The following PDXDC1 variants were observed in gnomAD, a reference collection of about 807,000 sequenced individuals.
PDXDC1 encodes the protein pyridoxal-dependent decarboxylase domain-containing protein 1.
A neutral mutation model predicts 100.1 loss-of-function variants in PDXDC1; 42 were observed. The observed-to-expected ratio is 0.42, with a 90% CI of 0.33 to 0.54. The LOEUF (loss-of-function observed/expected upper bound fraction) is 0.54. Ranked by LOEUF, PDXDC1 falls within the 20% of genes least tolerant of loss-of-function variation. PDXDC1 has a pLI of 0.10. For missense variants in PDXDC1, 636 were observed against 979.2 expected, an observed-to-expected ratio of 0.65 and a Z score of 4.68; for synonymous variants, 260 against 371.7, an observed-to-expected ratio of 0.70 and a Z score of 3.46.
intron 16 of PDXDC1, chr16:15,061,443 C>A (rs2044706750): frequency 5.9e-6 from 2 of 337,282 alleles, no homozygotes; most frequent in Non-Finnish European, 1.1e-5. Flanking sequence ...GTAATTGTGT[C>A]AAAAAGCTGT....
intron 16 of PDXDC1, chr16:15,106,466 A>G: frequency 1.6e-6 from 2 of 1,253,032 alleles, no homozygotes; most frequent in Non-Finnish European, 2.2e-6. Context: ...CTGTAAGAGT[A>G]CAGTCTGAGC....
intron 16 of PDXDC1, chr16:15,076,729 G>C (rs2045472401): frequency 2.0e-6 from 2 of 979,550 alleles, no homozygotes; most frequent in African/African-American, 3.2e-5. Flanking sequence ...AAATTCATCT[G>C]ATATACGCAT....
rs183292506 is a variant in PDXDC1, at chr16:15,066,506, G to A, written c.1399+36450G>A. 1.7e-3 allele frequency among the ~76,000 whole-genome samples: 264 copies of A among 151,922 alleles called. 1 individual carries two copies. The highest frequency in any genetic ancestry group is 6.2e-3 in the African/African-American group (256 of 41,460). On this transcript the variant is annotated intron_variant, in intron 16 of 16. Coordinates refer to the PDXDC1 transcript ENST00000535621. Reference sequence around the variant, plus strand: ...AAATTAGCTGGGCGTGGTGGCAGGCGCCTGTAGTCCCAGCTATTCGGGAGG... The same window carrying A: ...AAATTAGCTGGGCGTGGTGGCAGGCACCTGTAGTCCCAGCTATTCGGGAGG...
At chr16:15,144,885 C>T in the PDXDC1 span, among the ~76,000 whole-genome samples, 1 of 152,168 alleles carries the variant, frequency 6.6e-6, no homozygotes, top group Non-Finnish European at 1.5e-5. Flanking sequence ...ATACGTATGC[C>T]ACCTGCCGCT....
chr16:15,087,067 C>T (rs1246160350), intron 16 of PDXDC1, among the ~76,000 whole-genome samples: 1 of 152,000 alleles, frequency 6.6e-6, no homozygotes, highest in Non-Finnish European at 1.5e-5. Context: ...ATTTGAAACG[C>T]AATGTATAAA....
chr16:15,009,977 T>G (rs1182709005), intron 8 of PDXDC1, among the ~76,000 whole-genome samples: 1 of 152,302 alleles, frequency 6.6e-6, no homozygotes, highest in Non-Finnish European at 1.5e-5. Context: ...GTGTGTATAC[T>G]TTTTCATTTA....
chr16:15,077,179 A>G (rs1020523849), intron 16 of PDXDC1, among the ~76,000 whole-genome samples: 5 of 151,662 alleles, frequency 3.3e-5, no homozygotes, highest in South Asian at 2.1e-4. Context: ...GGGTTACTCC[A>G]TGTTAGTCAG....
chr16:15,012,712 TGTG>T (rs1332511355), intron 8 of PDXDC1, among the ~76,000 whole-genome samples: 1 of 152,234 alleles, frequency 6.6e-6, no homozygotes, highest in African/African-American at 2.4e-5. Flanking sequence ...ATTAGCCAGG[TGTG>T]GTGGTGTGTA....
At chr16:15,039,352 G>T (rs973895992), downstream of PDXDC1, among the ~76,000 whole-genome samples, 1 of 152,168 alleles carries the variant, frequency 6.6e-6, no homozygotes, top group South Asian at 2.1e-4. Context: ...TTTCATAAAT[G>T]AGAAGATTTC....
chr16:14,998,452 T>C, intron 3 of PDXDC1, 47 bp downstream of exon 3: 1 of 1,589,362 alleles, frequency 6.3e-7, no homozygotes, highest in Non-Finnish European at 8.6e-7. Context: ...TGTAAATTTT[T>C]GTTTGTTTCT....
intron 16 of PDXDC1, chr16:15,125,837 G>A (rs556869342): frequency 8.2e-5 from 75 of 912,356 alleles, no homozygotes; most frequent in South Asian, 1.1e-4. Context: ...GTCAGCGGGC[G>A]GCAGCTCAGA....
chr16:15,133,734 G>C, intron 16 of PDXDC1: 13 of 1,599,672 alleles, frequency 8.1e-6, no homozygotes, highest in Non-Finnish European at 1.1e-5. Flanking sequence ...CATCACGGGA[G>C]GGCTCCGTGA....
intron 16 of PDXDC1, chr16:15,059,909 A>C (rs2044650640): frequency 5.9e-6 from 1 of 170,664 alleles, no homozygotes; most frequent in African/African-American, 2.4e-5. Context: ...AATTCCATCA[A>C]GCTCCCCGCC....
chr16:15,145,419 C>T, the PDXDC1 span, among the ~76,000 whole-genome samples: 7 of 152,266 alleles, frequency 4.6e-5, no homozygotes, highest in Non-Finnish European at 8.8e-5. Flanking sequence ...CATGGGCTTG[C>T]CCCAGCGCTG....
intron 16 of PDXDC1, among the ~76,000 whole-genome samples, chr16:15,050,848 G>A (rs909615876): frequency 6.6e-6 from 1 of 152,120 alleles, no homozygotes; most frequent in Admixed American, 6.5e-5. Flanking sequence ...TGGAAGCAAG[G>A]TATCAATGAA....
intron 16 of PDXDC1, among the ~76,000 whole-genome samples, chr16:15,098,881 A>G (rs1183348742): frequency 6.6e-6 from 1 of 152,068 alleles, no homozygotes; most frequent in Non-Finnish European, 1.5e-5. Flanking sequence ...CTCAAAAAAA[A>G]AGAGCAACTT....
rs1000091517 is a variant in PDXDC1, at chr16:15,135,686, G to T, written c.1400-3193G>T. ...CACACAGGCCCACTGGAAACTGAGCGGCGTCTGGTCGCCATCCTCCAGGTT... is the reference window on the plus strand; with the variant it reads ...CACACAGGCCCACTGGAAACTGAGCTGCGTCTGGTCGCCATCCTCCAGGTT... On this transcript the variant is annotated intron_variant, in intron 16 of 16. Transcript: ENST00000535621. The T allele has an allele frequency of 6.3e-6, 10 of 1,594,818 alleles. No homozygotes were observed. The African/African-American group carries it at 8.0e-5, about 13-fold the overall frequency.
At chr16:15,100,059 C>T (rs2046487177) in intron 16 of PDXDC1, among the ~76,000 whole-genome samples, 1 of 152,146 alleles carries the variant, frequency 6.6e-6, no homozygotes, top group South Asian at 2.1e-4. Context: ...CTCCTGTAAC[C>T]CTCCTGTAAT....
intron 16 of PDXDC1, among the ~76,000 whole-genome samples, chr16:15,097,938 CTT>C (rs35852184): frequency 1.1e-5 from 1 of 89,620 alleles, no homozygotes; most frequent in Middle Eastern, 0.013. Context: ...CAACATTATG[CTT>C]TTTTTTTTTT....
Sources: gnomAD v4.1 joint callset for allele counts (sites outside exome capture counted in the v4.1 genomes callset) on GRCh38, gnomAD v4.1.1 for gene constraint, MANE v1.5 for transcripts, NCBI Gene and HGNC (gene_info 2026-07-23, HGNC 2026-07-21) for gene names.